The following ITSN1 variants were observed in gnomAD, a reference collection of about 807,000 sequenced individuals.
The protein encoded by ITSN1 is intersectin 1, also known as intersectin-1.
A neutral mutation model predicts 239.8 loss-of-function variants in ITSN1; 58 were observed. The ratio of observed to expected loss-of-function variants is 0.24; its 90% confidence interval spans 0.20 to 0.30. The LOEUF is 0.30. Ranked by LOEUF, ITSN1 falls within the 10% of genes least tolerant of loss-of-function variation. The pLI is 1.00. For synonymous variants in ITSN1, 780 were observed against 770.8 expected (o/e 1.01, Z -0.20); for missense variants, 1,558 against 2,103.3 (o/e 0.74, Z 5.07).
chr21:33,726,204 G>T (rs575921622), intron 4 of ITSN1, among the ~76,000 whole-genome samples: 23 of 152,264 alleles, frequency 1.5e-4, no homozygotes, highest in African/African-American at 5.3e-4. Flanking sequence ...ATGTTGGCTA[G>T]CCTGGTCTCG....
At chr21:33,721,535 C>A (rs1380949018) in intron 3 of ITSN1, among the ~76,000 whole-genome samples, 2 of 152,118 alleles carry the variant, frequency 1.3e-5, no homozygotes, top group African/African-American at 4.8e-5. Flanking sequence ...ATGGCTCACA[C>A]CTGTAATCCC....
intron 20 of ITSN1, among the ~76,000 whole-genome samples, chr21:33,806,159 C>G (rs1040759051): frequency 6.7e-6 from 1 of 149,040 alleles, no homozygotes; most frequent in Admixed American, 6.7e-5. Context: ...TGCAGTGAGC[C>G]GAGATCGCGC....
chr21:33,891,510 C>T lies in ITSN1; in HGVS notation c.*3210C>T, dbSNP rs552184128. The T allele has an allele frequency of 6.6e-6, 1 of 152,214 alleles. No individual in the cohort carries two copies. Among genetic ancestry groups the T allele is most frequent in the Admixed American group, 6.5e-5 (1 of 15,290 alleles). The allele number at this position is 152,214 out of a possible 1,614,324, so 9.4% of individuals were successfully genotyped here. A position where few individuals can be genotyped will look rare whatever the true frequency, so the allele number is the denominator to read the frequency against. On this transcript the variant is annotated 3_prime_UTR_variant, in exon 40 of 40. Coordinates refer to ENST00000381318, the MANE Select transcript of ITSN1 (RefSeq NM_003024.3). ...TGACCACCCACATTAAGTCTTATCT[C>T]GGTGACCTGGTACCAAAGCCCAGGT...
At chr21:33,850,442 A>T (rs1288225594) in intron 29 of ITSN1, among the ~76,000 whole-genome samples, 1 of 152,120 alleles carries the variant, frequency 6.6e-6, no homozygotes, top group Non-Finnish European at 1.5e-5. Flanking sequence ...TAAAAATCGC[A>T]TCTTGAGGAT....
At chr21:33,823,750 T>C (rs2073821367) in intron 25 of ITSN1, 97 bp downstream of exon 25, 3 of 1,203,862 alleles carry the variant, frequency 2.5e-6, no homozygotes, top group East Asian at 4.7e-5. Flanking sequence ...TGGGTTTTGC[T>C]AAGTTCTGGA....
chr21:33,807,381 C>T (rs1040026523), intron 20 of ITSN1, among the ~76,000 whole-genome samples: 1 of 152,184 alleles, frequency 6.6e-6, no homozygotes, highest in African/African-American at 2.4e-5. Context: ...CTCTGTTACT[C>T]AGGCTGAGTG....
intron 14 of ITSN1, among the ~76,000 whole-genome samples, chr21:33,780,982 T>A (rs2070129902): frequency 6.6e-6 from 1 of 152,222 alleles, no homozygotes; most frequent in South Asian, 2.1e-4. Flanking sequence ...TTGTTAAAAA[T>A]CTTTGATTTC....
intron 1 of ITSN1, among the ~76,000 whole-genome samples, chr21:33,707,306 G>A (rs962054154): frequency 1.3e-5 from 2 of 151,710 alleles, no homozygotes; most frequent in South Asian, 2.1e-4. Flanking sequence ...TATTTTTTGT[G>A]TGTGTTGGGG....
intron 18 of ITSN1, among the ~76,000 whole-genome samples, chr21:33,799,386 C>T (rs2071804072): frequency 6.6e-6 from 1 of 152,176 alleles, no homozygotes; most frequent in South Asian, 2.1e-4. Flanking sequence ...TCTGTTCCCT[C>T]CCAAACAAGT....
chr21:33,676,585 T>C (rs538870324), intron 1 of ITSN1, among the ~76,000 whole-genome samples: 1 of 152,224 alleles, frequency 6.6e-6, no homozygotes, highest in Admixed American at 6.5e-5. Context: ...GTCTGTAGTT[T>C]GTTTTGATGC....
intron 1 of ITSN1, chr21:33,643,742 G>A (rs2087667690): frequency 6.6e-6 from 1 of 152,180 alleles, no homozygotes; most frequent in South Asian, 2.1e-4. Context: ...CCGGCCAGAT[G>A]CGTTTCTTTG....
rs1264857466 is a variant in ITSN1 at position 33,856,813 on chromosome 21, G to A, written c.3739G>A (p.Val1247Ile). 6.2e-7 allele frequency: 1 copy of A among 1,614,138 alleles called. No homozygotes were observed. The highest frequency in any genetic ancestry group is 1.7e-5 in the Admixed American group (1 of 60,026). The part of the protein sequence containing the change: ...KRQGYIHELI[V>I]TEENYVNDLQ... ...ACAAGGATACATCCACGAGCTCATT[G>A]TCACCGAGGAGAACTATGTGAATGA... The change falls in exon 30 of 40, where the codon GTC becomes ATC. Residue 1247 changes from valine to isoleucine, a missense_variant. Coordinates refer to ENST00000381318, the MANE Select transcript of ITSN1 (RefSeq NM_003024.3).
rs769863378 is a variant in ITSN1, at chr21:33,856,780, A to G, written c.3706A>G (p.Arg1236Gly). Residue 1236 changes from arginine (R) to glycine (G), a missense_variant, in exon 30 of 40, where the codon AGA becomes GGA. By Grantham distance (125) the Arg-to-Gly change is moderately radical. Coordinates refer to ENST00000381318, the MANE Select transcript of ITSN1 (RefSeq NM_003024.3). ...CTTGGATATGTTGACCCCAACTGAA[A>G]GAAAGCGACAAGGATACATCCACGA... ...HLLDMLTPTE[R>G]KRQGYIHELI... 1 of 1,614,178 alleles carries G rather than the reference A, an allele frequency of 6.2e-7. No individual in the cohort carries two copies.
chr21:33,660,852 A>G (rs1347118086), intron 1 of ITSN1, among the ~76,000 whole-genome samples: 2 of 152,084 alleles, frequency 1.3e-5, no homozygotes, highest in African/African-American at 2.4e-5. Flanking sequence ...TTGAATGGCT[A>G]TTTTACCCCT....
Position 33,730,668 on chromosome 21 carries a change from G to A in ITSN1, c.186-4376G>A, listed in dbSNP as rs187783009. 2.8e-3 allele frequency among the ~76,000 whole-genome samples: 431 copies of A among 151,266 alleles called. 1 individual carries two copies. Among genetic ancestry groups the A allele is most frequent in the Non-Finnish European group, 4.7e-3 (320 of 67,842 alleles). On this transcript the variant is annotated intron_variant, in intron 4 of 39. Coordinates refer to ENST00000381318, the MANE Select transcript of ITSN1 (RefSeq NM_003024.3). ...ACCCTTCTCGGCCTCCCAAAGTGCT[G>A]GGATTACAGGCGTGAGCCACCGTGC... is the stretch of plus-strand genomic sequence containing the variant.
At chr21:33,738,243 A>G (rs1477210240) in intron 5 of ITSN1, among the ~76,000 whole-genome samples, 1 of 152,154 alleles carries the variant, frequency 6.6e-6, no homozygotes, top group Non-Finnish European at 1.5e-5. Context: ...TATATATAGT[A>G]TGTGCCTTCA....
At chr21:33,781,602 A>T in intron 15 of ITSN1, 54 bp downstream of exon 15, 1 of 1,024,512 alleles carries the variant, frequency 9.8e-7, no homozygotes, top group Admixed American at 2.4e-5. Context: ...TTTTTTTGAC[A>T]TGGAGTCTCA....
intron 36 of ITSN1, 80 bp from the exon 37 acceptor site, chr21:33,884,961 C>T: frequency 2.0e-6 from 2 of 977,460 alleles, no homozygotes; most frequent in South Asian, 1.4e-5. Flanking sequence ...GAAACAGAGT[C>T]CTGGCAACAG....
Position 33,789,313 on chromosome 21 carries a change from T to C in ITSN1, c.1825-5028T>C, listed in dbSNP as rs114841663. ...ATAGATAAACACCTGAAATTTCTGA[T>C]GCTGGTAGCTACATCATTTTTTAAT... On this transcript the variant is annotated intron_variant, in intron 16 of 39. Transcript: ENST00000381318. 7.7e-3 allele frequency among the ~76,000 whole-genome samples: 1,166 copies of C among 152,342 alleles called. 15 individuals carry two copies. The highest frequency in any genetic ancestry group is 0.027 in the African/African-American group (1,111 of 41,578).
Sources: allele counts gnomAD v4.1 joint callset (sites outside exome capture counted in the v4.1 genomes callset), GRCh38; gene constraint gnomAD v4.1.1; transcripts MANE v1.5; gene names NCBI Gene and HGNC (gene_info 2026-07-23, HGNC 2026-07-21).